MORN1: variants seen among roughly 807,000 people sequenced by gnomAD.
The protein encoded by MORN1 is MORN repeat-containing protein 1.
Under a neutral mutation model 61.9 loss-of-function variants are expected in MORN1, and 67 were observed. That is an observed-to-expected ratio of 1.08 (90% confidence interval 0.89 to 1.33). The LOEUF is 1.33. MORN1 is among the 40% of genes most tolerant of loss of function. MORN1 has a pLI of 0.00. For synonymous variants in MORN1, 301 were observed against 292.0 expected (o/e 1.03, Z -0.31); for missense variants, 752 against 691.2 (o/e 1.09, Z -0.99).
At chr1:2,342,867 ATTTATTTTATTTTATTTTAT>A (rs1553211058) in intron 10 of MORN1, among the ~76,000 whole-genome samples, 41 of 101,106 alleles carry the variant, frequency 4.1e-4, no homozygotes, top group Non-Finnish European at 5.2e-4. Context: ...ATTTTATTTT[ATTTATTTTATTTTATTTTAT>A]TTTATTTTAT....
intron 10 of MORN1, among the ~76,000 whole-genome samples, chr1:2,341,790 C>A (rs1408731411): frequency 2.0e-5 from 3 of 152,230 alleles, no homozygotes; most frequent in Non-Finnish European, 4.4e-5. Context: ...GCAGAGACAC[C>A]TTCGGACAGC....
chr1:2,328,975 G>A (rs1180919841), intron 12 of MORN1, among the ~76,000 whole-genome samples: 2 of 152,244 alleles, frequency 1.3e-5, no homozygotes, highest in African/African-American at 4.8e-5. Context: ...TTTTGTGACT[G>A]CTTTCCCAGG....
chr1:2,385,152 G>T, intron 5 of MORN1, 87 bp from the exon 6 acceptor site: 1 of 1,388,844 alleles, frequency 7.2e-7, no homozygotes, highest in Non-Finnish European at 9.9e-7. Context: ...ACCGGGCTCC[G>T]CAGGCACTGC....
intron 10 of MORN1, among the ~76,000 whole-genome samples, chr1:2,343,322 C>T (rs1028318859): frequency 6.6e-6 from 1 of 152,352 alleles, no homozygotes; most frequent in African/African-American, 2.4e-5. Flanking sequence ...CCAGGAGCCC[C>T]CCACAAAGCT....
chr1:2,323,474 C>A, intron 13 of MORN1: 1 of 985,404 alleles, frequency 1.0e-6, no homozygotes, highest in Admixed American at 6.1e-5. Context: ...GCCGCGGTGC[C>A]CAGGTCCTGC....
intron 8 of MORN1, chr1:2,363,442 A>C (rs1195672288): frequency 2.0e-5 from 3 of 152,096 alleles, no homozygotes; most frequent in Non-Finnish European, 4.4e-5. Context: ...TCAAATAACA[A>C]AACAAAGAGT....
rs1340763820 is a variant in MORN1, at chr1:2,372,850, C to T, written c.635-259G>A. On this transcript the variant is annotated intron_variant, in intron 7 of 13. Transcript: ENST00000378531. This position sits in a 1 kb window ranked among gnomAD's most constrained non-coding sequence, Gnocchi z 5.4. ...CGAACCAAGTGGACCACCGGGGCCA[C>T]GGAGCATGCAAGAGACACAAGTGGG... Among the ~76,000 whole-genome samples, 4 of 152,198 alleles carry T rather than the reference C, an allele frequency of 2.6e-5. No homozygotes were observed. The South Asian group carries it at 6.2e-4, about 24-fold the overall frequency.
At chr1:2,364,874 T>C (rs1641966928) in intron 8 of MORN1, among the ~76,000 whole-genome samples, 1 of 152,156 alleles carries the variant, frequency 6.6e-6, no homozygotes, top group Admixed American at 6.5e-5. Flanking sequence ...TAGTTGTAGA[T>C]ACGCAGCGTT....
chr1:2,343,038 C>T (rs1043802261), intron 10 of MORN1, among the ~76,000 whole-genome samples: 1 of 152,080 alleles, frequency 6.6e-6, no homozygotes, highest in Admixed American at 6.5e-5. Flanking sequence ...CGCCAGCTCC[C>T]CTGCCTTTCC....
intron 5 of MORN1, 173 bp from the exon 6 acceptor site, chr1:2,385,238 G>A (rs1335889474): frequency 1.2e-5 from 8 of 645,808 alleles, no homozygotes; most frequent in East Asian, 2.8e-5. Context: ...GGGGGCCGAC[G>A]ACAGGCGGTG....
chr1:2,367,633 G>A (rs1482033621), intron 8 of MORN1, among the ~76,000 whole-genome samples: 3 of 152,144 alleles, frequency 2.0e-5, no homozygotes, highest in African/African-American at 4.8e-5. Context: ...AAATGTAAGA[G>A]CTAAAAATAT....
chr1:2,358,584 G>A lies in MORN1; in HGVS notation c.869+8C>T, dbSNP rs773386843. ...CAGAACTAACTCATTGGTGTCACAC[G>A]TACTCACAATGGGGTCTGGATGAGT... On this transcript the variant is annotated splice_region_variant and intron_variant, in intron 9 of 13. Coordinates refer to ENST00000378531, the MANE Select transcript of MORN1 (RefSeq NM_024848.3). 5 of 1,613,938 alleles carry A rather than the reference G, an allele frequency of 3.1e-6. No individual in the cohort carries two copies. Among genetic ancestry groups the A allele is most frequent in the Non-Finnish European group, 4.2e-6 (5 of 1,179,956 alleles).
At chr1:2,345,156 A>G (rs1415140009) in intron 10 of MORN1, among the ~76,000 whole-genome samples, 3 of 152,276 alleles carry the variant, frequency 2.0e-5, no homozygotes, top group South Asian at 2.1e-4. Context: ...GCGAGGGTCC[A>G]CGTGTGCTCA....
Position 2,384,718 on chromosome 1 carries a change from C to T in MORN1, c.537+260G>A, listed in dbSNP as rs377077500. Among the ~76,000 whole-genome samples the T allele has an allele frequency of 3.9e-5, 6 of 152,314 alleles. No homozygotes were observed. In the South Asian group the frequency reaches 8.3e-4, roughly 21 times the overall value. Reference sequence around the variant, plus strand: ...TGGGATTTAAGTCAAAAGTGAGAGCCGCCTGTGAGCTTCCCTGCCTCTCCG... The same window carrying T: ...TGGGATTTAAGTCAAAAGTGAGAGCTGCCTGTGAGCTTCCCTGCCTCTCCG... On this transcript the variant is annotated intron_variant, in intron 6 of 13. Coordinates refer to ENST00000378531, the MANE Select transcript of MORN1 (RefSeq NM_024848.3).
chr1:2,345,667 G>C (rs1220304860), intron 10 of MORN1, among the ~76,000 whole-genome samples: 1 of 152,202 alleles, frequency 6.6e-6, no homozygotes, highest in Non-Finnish European at 1.5e-5. Flanking sequence ...TCTCCTCGAG[G>C]AACAGAAACT....
chr1:2,325,226 C>T (rs1204600468), intron 12 of MORN1, among the ~76,000 whole-genome samples: 1 of 85,490 alleles, frequency 1.2e-5, no homozygotes, highest in Non-Finnish European at 2.6e-5. Context: ...TTTTCTTTCT[C>T]TCTTGTTCCT....
At chr1:2,332,880 C>T in intron 12 of MORN1, 1 of 375,818 alleles carries the variant, frequency 2.7e-6, no homozygotes. Context: ...AGGGGCCAAG[C>T]TCTGTCGGGG....
chr1:2,323,487 G>A (rs1640928809), intron 13 of MORN1: 2 of 985,296 alleles, frequency 2.0e-6, no homozygotes, highest in African/African-American at 1.7e-5. Flanking sequence ...GGTCCTGCTA[G>A]GGGTCCGAGC....
chr1:2,364,963 G>T (rs1641968657), intron 8 of MORN1, among the ~76,000 whole-genome samples: 1 of 152,156 alleles, frequency 6.6e-6, no homozygotes, highest in Admixed American at 6.5e-5. Context: ...GGTTACTGTA[G>T]CCTTGTAGTA....
Sources: gnomAD v4.1 joint callset for allele counts (sites outside exome capture counted in the v4.1 genomes callset) on GRCh38, gnomAD v4.1.1 for gene constraint, Gnocchi (gnomAD v3.1) non-coding constraint, MANE v1.5 for transcripts, NCBI Gene and HGNC (gene_info 2026-07-23, HGNC 2026-07-21) for gene names.